Variants in FRMD6 observed in about 807,000 individuals in gnomAD.
FRMD6 encodes FERM domain containing 6.
Under a neutral mutation model 73.2 loss-of-function variants are expected in FRMD6, and 37 were observed. That is an observed-to-expected ratio of 0.51 (90% CI 0.39 to 0.66). The LOEUF is 0.66. Among genes scored for constraint, FRMD6 ranks in the 30% least tolerant of loss-of-function variants. The pLI, the probability that FRMD6 is intolerant of heterozygous loss-of-function variation, is 0.00. For missense variants in FRMD6, 714 were observed against 780.5 expected (o/e 0.91, Z 1.02); for synonymous variants, 273 against 282.2 (o/e 0.97, Z 0.33).
At chr14:51,690,400 T>C (rs1895468703) in intron 2 of FRMD6, among the ~76,000 whole-genome samples, 1 of 152,158 alleles carries the variant, frequency 6.6e-6, no homozygotes, top group Non-Finnish European at 1.5e-5. Context: ...TGTTTTTGCT[T>C]TTTGAGACAG....
intron 1 of FRMD6, among the ~76,000 whole-genome samples, chr14:51,660,613 G>A (rs201070545): frequency 2.3e-4 from 32 of 139,530 alleles, no homozygotes; most frequent in Non-Finnish European, 2.4e-4. Flanking sequence ...TAAAATAAAG[G>A]AAAAAAAAAA....
At chr14:51,696,918 T>C (rs1895981434) in intron 2 of FRMD6, among the ~76,000 whole-genome samples, 1 of 151,996 alleles carries the variant, frequency 6.6e-6, no homozygotes, top group African/African-American at 2.4e-5. Context: ...CCATGACCAA[T>C]AGGCTTATGA....
intron 1 of FRMD6, among the ~76,000 whole-genome samples, chr14:51,657,143 T>A (rs1892891597): frequency 6.6e-6 from 1 of 152,222 alleles, no homozygotes; most frequent in Admixed American, 6.5e-5. Context: ...TCTCTCTGAT[T>A]GGGTTAAATA....
At chr14:51,502,043 A>C (rs1303065640) in intron 1 of FRMD6, among the ~76,000 whole-genome samples, 1 of 152,116 alleles carries the variant, frequency 6.6e-6, no homozygotes, top group East Asian at 1.9e-4. Flanking sequence ...GTGTCTGTTC[A>C]TGTCCTTTGC....
intron 1 of FRMD6, among the ~76,000 whole-genome samples, chr14:51,661,797 G>A (rs748935926): frequency 6.6e-6 from 1 of 152,126 alleles, no homozygotes; most frequent in East Asian, 1.9e-4. Flanking sequence ...GGTTCAAAGA[G>A]AATAAAAAAT....
At chr14:51,646,758 G>T (rs1254120558) in intron 2 of FRMD6, among the ~76,000 whole-genome samples, 1 of 151,148 alleles carries the variant, frequency 6.6e-6, no homozygotes, top group African/African-American at 2.4e-5. Flanking sequence ...TTCTGTATAA[G>T]GTAAAGTCTC....
intron 13 of FRMD6, 41 bp from the exon 14 acceptor site, chr14:51,727,704 C>T: frequency 1.9e-6 from 3 of 1,549,144 alleles, no homozygotes; most frequent in Non-Finnish European, 2.6e-6. Context: ...ATATTCTAAC[C>T]TTTCACTTTA....
Position 51,712,466 on chromosome 14 carries a change from G to A in FRMD6, c.781-17G>A. ...ATCATTTTTCCCATTAACTCCATAT[G>A]CATATTCTTTTCACAGAATTTAGAT... On this transcript the variant is annotated splice_polypyrimidine_tract_variant and intron_variant, in intron 8 of 13. Transcript: ENST00000344768. 6.8e-7 allele frequency: 1 copy of A among 1,481,412 alleles called. No individual in the cohort carries two copies. The highest frequency in any genetic ancestry group is 9.4e-7 in the Non-Finnish European group (1 of 1,061,440). 91.8% of individuals were successfully genotyped at this position (1,481,412 alleles called of 1,614,324 possible).
intron 1 of FRMD6, among the ~76,000 whole-genome samples, chr14:51,568,507 A>C (rs917197529): frequency 1.3e-5 from 2 of 152,218 alleles, no homozygotes; most frequent in Non-Finnish European, 1.5e-5. Flanking sequence ...AATGGCGAAC[A>C]CTGCAAGAAA....
the FRMD6 span, among the ~76,000 whole-genome samples, chr14:51,408,591 C>G: frequency 0.49 from 73,798 of 151,960 alleles, 18,547 homozygotes; most frequent in East Asian, 0.7. Context: ...GTAGTCTCTT[C>G]CCTTTTACTC....
Position 51,646,754 on chromosome 14 carries a change from A to T in FRMD6, c.-146-42937A>T, listed in dbSNP as rs1433372398. Among the ~76,000 whole-genome samples the T allele has an allele frequency of 2.6e-5, 4 of 151,436 alleles. No homozygotes were observed. In the East Asian group the frequency reaches 5.8e-4, roughly 22 times the overall value. On this transcript the variant is annotated intron_variant, in intron 2 of 14. Coordinates refer to the FRMD6 transcript ENST00000356218. ...AGCTCTTCTATCTTCAGTCTTCTGTATAAGGTAAAGTCTCATGCATAAGGC... is the reference window on the plus strand; with the variant it reads ...AGCTCTTCTATCTTCAGTCTTCTGTTTAAGGTAAAGTCTCATGCATAAGGC...
Position 51,570,094 on chromosome 14 carries a change from C to T in FRMD6, c.-209-254C>T, listed in dbSNP as rs142685763. Among the ~76,000 whole-genome samples, 1,257 of 152,234 alleles carry T rather than the reference C, an allele frequency of 8.3e-3. 37 individuals are homozygous for T. In the East Asian group the frequency reaches 0.1, roughly 12 times the overall value. On this transcript the variant is annotated intron_variant, in intron 1 of 14. Coordinates refer to the FRMD6 transcript ENST00000356218. Reference sequence around the variant, plus strand: ...CCTCCCAAAGTGCTGGGATTACAGACGTGAGCCACTGCGCCCGGCCCATGA... The same window carrying T: ...CCTCCCAAAGTGCTGGGATTACAGATGTGAGCCACTGCGCCCGGCCCATGA...
intron 2 of FRMD6, among the ~76,000 whole-genome samples, chr14:51,626,801 T>G (rs937002337): frequency 2.0e-5 from 3 of 152,186 alleles, no homozygotes; most frequent in Non-Finnish European, 4.4e-5. Context: ...AAAATAGAGA[T>G]AACTATTGTA....
the FRMD6 span, among the ~76,000 whole-genome samples, chr14:51,459,826 CAAAAAAAAAA>C: frequency 1.7e-4 from 10 of 58,282 alleles, no homozygotes; most frequent in Admixed American, 8.8e-4. Context: ...GACTCCATTT[CAAAAAAAAAA>C]AAAAAAAAAA....
chr14:51,527,514 A>G (rs1443227722), intron 1 of FRMD6, among the ~76,000 whole-genome samples: 1 of 152,222 alleles, frequency 6.6e-6, no homozygotes, highest in Non-Finnish European at 1.5e-5. Flanking sequence ...AGGCAGACCC[A>G]TAAGGAAAAT....
the FRMD6 span, among the ~76,000 whole-genome samples, chr14:51,396,712 A>G: frequency 2.6e-5 from 4 of 152,152 alleles, no homozygotes; most frequent in East Asian, 7.7e-4. Flanking sequence ...CTGAATATTA[A>G]AACTTTAGGT....
chr14:51,712,336 A>C (rs981985763), intron 8 of FRMD6, 147 bp from the exon 9 acceptor site: 44 of 614,472 alleles, frequency 7.2e-5, no homozygotes, highest in African/African-American at 6.4e-4. Flanking sequence ...TGAATCTTTT[A>C]ATTATTGTCT....
chr14:51,692,475 T>TGC (rs1895666971), intron 2 of FRMD6, among the ~76,000 whole-genome samples: 1 of 80,596 alleles, frequency 1.2e-5, no homozygotes, highest in Non-Finnish European at 3.3e-5. Context: ...TGGTGCAATG[T>TGC]GTGTGTGTGT....
chr14:51,702,600 G>A lies in FRMD6; in HGVS notation c.371+12G>A. ...GGCAGATTGATCAGGTAAGAGGACAGGGGGTGATTCTAAACGCTTTTTTTT... is the reference window on the plus strand; with the variant it reads ...GGCAGATTGATCAGGTAAGAGGACAAGGGGTGATTCTAAACGCTTTTTTTT... On this transcript the variant is annotated intron_variant, in intron 5 of 13. Coordinates refer to ENST00000344768, the MANE Select transcript of FRMD6 (RefSeq NM_001267046.2). The A allele has an allele frequency of 4.4e-6, 7 of 1,604,036 alleles. No individual in the cohort carries two copies. The highest frequency in any genetic ancestry group is 1.1e-5 in the South Asian group (1 of 89,814).
Sources: allele counts gnomAD v4.1 joint callset (sites outside exome capture counted in the v4.1 genomes callset), GRCh38; gene constraint gnomAD v4.1.1; transcripts MANE v1.5; gene names NCBI Gene and HGNC (gene_info 2026-07-23, HGNC 2026-07-21).